The following DNAJB12 variants were observed in gnomAD, a reference collection of about 807,000 sequenced individuals.
DNAJB12 encodes DnaJ heat shock protein family (Hsp40) member B12, also known as dnaJ homolog subfamily B member 12.
DNAJB12 carries 14 observed loss-of-function variants against 40.6 expected under a neutral mutation model. That is an observed-to-expected ratio of 0.34 (90% CI 0.23 to 0.54). The LOEUF is 0.54. Ranked by LOEUF, DNAJB12 falls within the 20% of genes least tolerant of loss-of-function variation. DNAJB12 has a pLI of 0.92. For missense variants in DNAJB12, 444 were observed against 501.7 expected, an observed-to-expected ratio of 0.89 and a Z score of 1.10; for synonymous variants, 181 against 199.5, an observed-to-expected ratio of 0.91 and a Z score of 0.78.
intron 1 of DNAJB12, among the ~76,000 whole-genome samples, chr10:72,346,344 G>A (rs1218366251): frequency 6.8e-6 from 1 of 147,172 alleles, no homozygotes; most frequent in Non-Finnish European, 1.5e-5. Context: ...TTTTTTTTTT[G>A]ACACGGAGTC....
chr10:72,345,046 C>A lies in DNAJB12; in HGVS notation c.215G>T (p.Arg72Met). The change falls in exon 2 of 9, where the codon AGG (arginine) becomes ATG (methionine). Residue 72 changes from arginine to methionine, a missense_variant. By Grantham distance (91) the Arg-to-Met change is moderately conservative. Coordinates refer to ENST00000444643, the MANE Select transcript of DNAJB12 (RefSeq NM_017626.7). The stretch of plus-strand genomic sequence containing the variant: ...GGGGGCATCGGTCCCACCTGCTTTC[C>A]TGTGGGTGGCATGGGTTGTGTCTGT... ...PPTDTTHATH[R>M]KAGGTDAPSA... The A allele has an allele frequency of 6.2e-7, 1 of 1,614,232 alleles. No homozygotes were observed. Among genetic ancestry groups the A allele is most frequent in the Non-Finnish European group, 8.5e-7 (1 of 1,180,028 alleles).
intron 1 of DNAJB12, among the ~76,000 whole-genome samples, chr10:72,346,561 G>C (rs1347156827): frequency 1.3e-5 from 2 of 152,220 alleles, no homozygotes; most frequent in Non-Finnish European, 2.9e-5. Flanking sequence ...CTGACCTCAA[G>C]CAATCCACCC....
intron 1 of DNAJB12, among the ~76,000 whole-genome samples, chr10:72,346,205 C>G (rs1173121467): frequency 6.6e-6 from 1 of 152,068 alleles, no homozygotes; most frequent in Non-Finnish European, 1.5e-5. Flanking sequence ...ACTCTGTTGC[C>G]CAGGCTGGAG....
intron 1 of DNAJB12, among the ~76,000 whole-genome samples, chr10:72,352,859 T>C (rs905219543): frequency 1.3e-4 from 20 of 152,274 alleles, no homozygotes; most frequent in African/African-American, 4.1e-4. Context: ...CCCAAAGCAA[T>C]AGACCGCCAC....
chr10:72,341,285 C>G, intron 3 of DNAJB12, 115 bp from the exon 4 acceptor site: 1 of 1,034,442 alleles, frequency 9.7e-7, no homozygotes, highest in Non-Finnish European at 1.4e-6. Context: ...AGGAAGCAGA[C>G]GTCCTTGGGG....
chr10:72,334,533 T>C lies in DNAJB12; in HGVS notation c.*115A>G, dbSNP rs948853519. ...GGCCTCCAATTCCATTTTAATTTTGTTTCTTTGTTTGTCTTTCCTCAAATA... is the reference window on the plus strand; with the variant it reads ...GGCCTCCAATTCCATTTTAATTTTGCTTCTTTGTTTGTCTTTCCTCAAATA... On this transcript the variant is annotated 3_prime_UTR_variant, in exon 9 of 9. Transcript: ENST00000444643. 14 of 1,530,598 alleles carry C rather than the reference T, an allele frequency of 9.1e-6. No individual in the cohort carries two copies. In the African/African-American group the frequency reaches 1.4e-4, roughly 15 times the overall value. 94.8% of individuals were successfully genotyped at this position (1,530,598 alleles called of 1,614,324 possible). A position where few individuals can be genotyped will look rare whatever the true frequency, so the allele number is the denominator to read the frequency against.
rs1589130269 is a variant in DNAJB12, at chr10:72,345,205, A to C, written c.134-78T>G. 4 of 1,520,480 alleles carry C rather than the reference A, an allele frequency of 2.6e-6. No individual in the cohort carries two copies. The East Asian group carries it at 6.8e-5, about 26-fold the overall frequency. 94.2% of individuals were successfully genotyped at this position (1,520,480 alleles called of 1,614,324 possible). On this transcript the variant is annotated intron_variant, in intron 1 of 8. Transcript: ENST00000444643. Reference sequence around the variant, plus strand: ...CTCGCCGAGCGGCCCGCTGCTTCCCACTCACTTCCCCTCCCAGCAAAGCCA... The same window carrying C: ...CTCGCCGAGCGGCCCGCTGCTTCCCCCTCACTTCCCCTCCCAGCAAAGCCA...
intron 6 of DNAJB12, among the ~76,000 whole-genome samples, chr10:72,337,906 C>T (rs1003576375): frequency 6.6e-6 from 1 of 151,914 alleles, no homozygotes; most frequent in Non-Finnish European, 1.5e-5. Flanking sequence ...TATGTGTGTG[C>T]ATGTATTGTG....
At chr10:72,349,150 C>T (rs1861872825) in intron 1 of DNAJB12, among the ~76,000 whole-genome samples, 1 of 152,104 alleles carries the variant, frequency 6.6e-6, no homozygotes, top group South Asian at 2.1e-4. Context: ...AGCAGTGTGA[C>T]CCTGGCTGAT....
rs777332014 is a variant in DNAJB12, at chr10:72,340,863, C to A, written c.649G>T (p.Val217Phe). 2 of 1,614,018 alleles carry A rather than the reference C, an allele frequency of 1.2e-6. No homozygotes were observed. Among genetic ancestry groups the A allele is most frequent in the Non-Finnish European group, 1.7e-6 (2 of 1,179,956 alleles). ...ATGCGGCCGTTGCTGTAGACGTGGA[C>A]GTTACCTGGGGGTCAGAGGGGCTGA... The part of the protein sequence containing the change: ...FFGGGFPSSN[V>F]HVYSNGRMRY... The change falls in exon 5 of 9, where the codon GTC (valine) becomes TTC (phenylalanine). Residue 217 changes from valine to phenylalanine, a missense_variant. By Grantham distance (50) the Val-to-Phe change is conservative. Transcript: ENST00000444643.
intron 1 of DNAJB12, among the ~76,000 whole-genome samples, chr10:72,349,370 C>T (rs1408293790): frequency 6.6e-6 from 1 of 151,978 alleles, no homozygotes; most frequent in Non-Finnish European, 1.5e-5. Context: ...AGCTCCAAGG[C>T]TCAGGAAGGC....
chr10:72,334,727 C>G (rs892568298), intron 8 of DNAJB12, 110 bp from the exon 9 acceptor site: 12 of 1,415,136 alleles, frequency 8.5e-6, no homozygotes, highest in Non-Finnish European at 1.0e-5. Context: ...ACCGTGCTGC[C>G]CGCTCGACCC....
intron 3 of DNAJB12, 105 bp downstream of exon 3, chr10:72,343,261 T>C: frequency 1.4e-6 from 2 of 1,442,978 alleles, no homozygotes; most frequent in East Asian, 2.5e-5. Flanking sequence ...CCAAGGCCAC[T>C]TCCTCCTGCT....
In DNAJB12 at chr10:72,337,499, C is replaced by T. The variant is rs938200739; in HGVS notation, c.833+703G>A. Among the ~76,000 whole-genome samples the T allele has an allele frequency of 9.8e-5, 15 of 152,342 alleles. No homozygotes were observed. The East Asian group carries it at 2.9e-3, about 29-fold the overall frequency. ...GACCCCCTAACGGCTCATGAAATGT[C>T]CTCAAGTTCACTCCTGGCAGTCGAG... is the stretch of plus-strand genomic sequence containing the variant. On this transcript the variant is annotated intron_variant, in intron 6 of 8. Transcript: ENST00000444643.
At chr10:72,339,236 C>G (rs531339954) in intron 5 of DNAJB12, among the ~76,000 whole-genome samples, 70 of 68,620 alleles carry the variant, frequency 1.0e-3, no homozygotes, top group Non-Finnish European at 2.4e-4. Context: ...GAGACCCTGT[C>G]TCAAAAAAAA....
chr10:72,343,511 C>T lies in DNAJB12; in HGVS notation c.312G>A (p.Arg104=), dbSNP rs770457268. The part of the protein sequence containing the change: ...YTAEQVAAVK[R]VKQCKDYYEI... The stretch of plus-strand genomic sequence containing the variant: ...CATAGTAATCTTTACATTGCTTGAC[C>T]CTGGGGAAGGAGGAGACCATGGTAC... Residue 104 remains arginine (R), a splice_region_variant and synonymous_variant, in exon 3 of 9, where the codon AGG becomes AGA. Transcript: ENST00000444643. The T allele has an allele frequency of 3.1e-6, 5 of 1,613,890 alleles. No homozygotes were observed. The Admixed American group carries it at 6.7e-5, about 22-fold the overall frequency.
Position 72,334,080 on chromosome 10 carries a change from CT to C in DNAJB12, c.*567del, listed in dbSNP as rs1861394905. On this transcript the variant is annotated 3_prime_UTR_variant, in exon 9 of 9. Transcript: ENST00000444643. ...AACATGGAAGAAATCAGCTCAACAA[CT>C]TAACCAAATCCCTGCAGAGTTTAAA... 6.5e-6 allele frequency: 1 copy of C among 153,700 alleles called. No homozygotes were observed. Among genetic ancestry groups the C allele is most frequent in the South Asian group, 1.9e-4 (1 of 5,262 alleles). 9.5% of individuals were successfully genotyped at this position (153,700 alleles called of 1,614,324 possible). A position where few individuals can be genotyped will look rare whatever the true frequency, so the allele number is the denominator to read the frequency against.
At chr10:72,336,965 G>C in intron 6 of DNAJB12, 1 of 329,574 alleles carries the variant, frequency 3.0e-6, no homozygotes, top group East Asian at 5.2e-5. Context: ...GAGAGGCCTG[G>C]TCTAGGGAAC....
chr10:72,351,336 C>T (rs1022703673), intron 1 of DNAJB12, among the ~76,000 whole-genome samples: 2 of 152,206 alleles, frequency 1.3e-5, no homozygotes, highest in Non-Finnish European at 2.9e-5. Context: ...CCTCCTGCAG[C>T]AGGAGTTTCA....
Sources: gnomAD v4.1 joint callset for allele counts (sites outside exome capture counted in the v4.1 genomes callset) on GRCh38, gnomAD v4.1.1 for gene constraint, MANE v1.5 for transcripts, NCBI Gene and HGNC (gene_info 2026-07-23, HGNC 2026-07-21) for gene names.